YBX1: variants seen among roughly 807,000 people sequenced by gnomAD.
YBX1 encodes the protein Y-box binding protein 1, also known as Y-box-binding protein 1.
Under a neutral mutation model 41.4 loss-of-function variants are expected in YBX1, and 3 were observed. The ratio of observed to expected loss-of-function variants is 0.07; its 90% confidence interval spans 0.03 to 0.19. YBX1 has a LOEUF of 0.19. Ranked by LOEUF, YBX1 falls within the 10% of genes least tolerant of loss-of-function variation. The pLI is 1.00. For missense variants in YBX1, 274 were observed against 462.8 expected (o/e 0.59, Z 3.74); for synonymous variants, 133 against 165.8 (o/e 0.80, Z 1.52).
At chr1:42,689,646 TC>T (rs1022763268) in intron 2 of YBX1, among the ~76,000 whole-genome samples, 1 of 151,756 alleles carries the variant, frequency 6.6e-6, no homozygotes, top group African/African-American at 2.4e-5. Flanking sequence ...TGGAGTAGAG[TC>T]CGGGAGTTTG....
At chr1:42,697,635 A>G (rs1457852140) in intron 6 of YBX1, among the ~76,000 whole-genome samples, 1 of 152,208 alleles carries the variant, frequency 6.6e-6, no homozygotes, top group Non-Finnish European at 1.5e-5. Flanking sequence ...GGCATACATT[A>G]TCTTCCACTA....
At chr1:42,683,700 C>T (rs546199437) in intron 2 of YBX1, among the ~76,000 whole-genome samples, 4 of 152,330 alleles carry the variant, frequency 2.6e-5, no homozygotes, top group South Asian at 2.1e-4. Context: ...ACTTAAAAGG[C>T]TTCGTCACAG....
intron 2 of YBX1, among the ~76,000 whole-genome samples, chr1:42,685,848 C>A (rs779268636): frequency 6.6e-6 from 1 of 152,142 alleles, no homozygotes; most frequent in Non-Finnish European, 1.5e-5. Context: ...ATTGTTACAA[C>A]CTTGTTAGAA....
At chr1:42,697,876 G>A (rs982271413) in intron 6 of YBX1, among the ~76,000 whole-genome samples, 3 of 152,166 alleles carry the variant, frequency 2.0e-5, no homozygotes, top group Non-Finnish European at 4.4e-5. Context: ...AGTCCATGCC[G>A]TAGTATACTT....
At chr1:42,682,756 T>A in intron 1 of YBX1, 25 bp downstream of exon 1, 2 of 1,175,676 alleles carry the variant, frequency 1.7e-6, no homozygotes, top group Non-Finnish European at 2.1e-6. Flanking sequence ...GGGACGGGGG[T>A]GGGGCCCTCG....
Position 42,702,515 on chromosome 1 carries a change from A to C in YBX1, c.*566A>C, listed in dbSNP as rs1171095805. Reference sequence around the variant, plus strand: ...CTTTAAGTGGCATGCCTGTGGGCCCATACTAAAAATTAGAAAATACATACT... The same window carrying C: ...CTTTAAGTGGCATGCCTGTGGGCCCCTACTAAAAATTAGAAAATACATACT... On this transcript the variant is annotated 3_prime_UTR_variant, in exon 8 of 8. Transcript: ENST00000321358. Among the ~76,000 whole-genome samples the C allele has an allele frequency of 2.0e-5, 3 of 152,228 alleles. No homozygotes were observed. Among genetic ancestry groups the C allele is most frequent in the Admixed American group, 2.0e-4 (3 of 15,286 alleles).
chr1:42,695,635 A>G (rs1650441180), intron 3 of YBX1, among the ~76,000 whole-genome samples: 1 of 152,258 alleles, frequency 6.6e-6, no homozygotes, highest in South Asian at 2.1e-4. Flanking sequence ...TAACAATTCC[A>G]TGCAGTCAGA....
rs1432639805 is a variant in YBX1, at chr1:42,702,372, GT to G, written c.*427del. 6.6e-6 allele frequency: 1 copy of G among 152,566 alleles called. No homozygotes were observed. The highest frequency in any genetic ancestry group is 1.9e-4 in the East Asian group (1 of 5,192). 9.5% of individuals were successfully genotyped at this position (152,566 alleles called of 1,614,324 possible). ...AATTGTCTTTGTGTAAATTTGTCTA[GT>G]TTTGCTTTAGTTTGTAAGTATTTAG... On this transcript the variant is annotated 3_prime_UTR_variant, in exon 8 of 8. Coordinates refer to ENST00000321358, the MANE Select transcript of YBX1 (RefSeq NM_004559.5).
chr1:42,686,574 C>G (rs567229036), intron 2 of YBX1, among the ~76,000 whole-genome samples: 44 of 152,242 alleles, frequency 2.9e-4, no homozygotes, highest in Admixed American at 2.2e-3. Context: ...TAAACCAAGC[C>G]AGGGAAAGGT....
At chr1:42,697,551 G>GA (rs1650491332) in intron 6 of YBX1, among the ~76,000 whole-genome samples, 1 of 152,214 alleles carries the variant, frequency 6.6e-6, no homozygotes, top group South Asian at 2.1e-4. Context: ...TTGGTAGGGA[G>GA]AAAGGAAAGC....
intron 3 of YBX1, 35 bp downstream of exon 3, chr1:42,693,558 C>T (rs1275066434): frequency 6.2e-7 from 1 of 1,608,492 alleles, no homozygotes; most frequent in Non-Finnish European, 8.5e-7. Context: ...ACTTCTGATT[C>T]AAGGATTGTA....
In YBX1 at chr1:42,703,639, A is replaced by G. The variant is rs751988178; in HGVS notation, c.*1690A>G. ...AACTGTTACTTACAACTGCAGACGC[A>G]CACAGTCCCTGACTTAAACAGTGGT... On this transcript the variant is annotated 3_prime_UTR_variant, in exon 8 of 8. Coordinates refer to ENST00000321358, the MANE Select transcript of YBX1 (RefSeq NM_004559.5). Among the ~76,000 whole-genome samples the G allele has an allele frequency of 3.9e-4, 59 of 152,160 alleles. No individual in the cohort carries two copies. The highest frequency in any genetic ancestry group is 1.3e-3 in the African/African-American group (55 of 41,442).
chr1:42,689,902 A>C (rs1267598786), intron 2 of YBX1, among the ~76,000 whole-genome samples: 1 of 152,234 alleles, frequency 6.6e-6, no homozygotes, highest in South Asian at 2.1e-4. Flanking sequence ...GGCTAGTATT[A>C]GTGAATAGTA....
At chr1:42,693,324 A>G (rs1051917153) in intron 2 of YBX1, among the ~76,000 whole-genome samples, 166 bp from the exon 3 acceptor site, 5 of 151,864 alleles carry the variant, frequency 3.3e-5, no homozygotes, top group Admixed American at 1.3e-4. Context: ...ACTGTTTGCA[A>G]CTGCTGAAGT....
At position 42,696,386 on chromosome 1, in the gene YBX1, C is replaced by T. The variant is rs1484225503; in HGVS notation, c.354+98C>T. 1.0e-5 allele frequency: 13 copies of T among 1,257,862 alleles called. No individual in the cohort carries two copies. The highest frequency in any genetic ancestry group is 1.3e-5 in the Non-Finnish European group (12 of 891,384). The allele number at this position is 1,257,862 out of a possible 1,614,324, so 77.9% of individuals were successfully genotyped here. ...TGGCTCTAATGTGGATGGATGTGTT[C>T]AGGTGACCTCATGAACACAGGTGCA... On this transcript the variant is annotated intron_variant, in intron 4 of 7. Transcript: ENST00000321358. This position sits in a 1 kb window ranked among gnomAD's most constrained non-coding sequence, Gnocchi z 5.7.
intron 6 of YBX1, 112 bp from the exon 7 acceptor site, chr1:42,700,669 A>C (rs2148743088): frequency 1.4e-6 from 1 of 721,606 alleles, no homozygotes; most frequent in African/African-American, 2.0e-5. Context: ...AGACCACTTG[A>C]TACAGAATGG....
At position 42,692,100 on chromosome 1, in the gene YBX1, T is replaced by A. The variant is rs1476712951; in HGVS notation, c.231-1390T>A. 2.0e-5 allele frequency among the ~76,000 whole-genome samples: 3 copies of A among 152,336 alleles called. No individual in the cohort carries two copies. The South Asian group carries it at 6.2e-4, about 32-fold the overall frequency. On this transcript the variant is annotated intron_variant, in intron 2 of 7. Coordinates refer to ENST00000321358, the MANE Select transcript of YBX1 (RefSeq NM_004559.5). ...CTCTTGGCCTCCCAAAGTGCTGGGA[T>A]TGCAGGCGTGAGCCACTGCACCCGG...
intron 2 of YBX1, among the ~76,000 whole-genome samples, chr1:42,686,423 G>A (rs1650198846): frequency 6.6e-6 from 1 of 152,156 alleles, no homozygotes; most frequent in South Asian, 2.1e-4. Context: ...GGCTTTGGGG[G>A]CCTGTATTTC....
chr1:42,694,035 T>G (rs562948006), intron 3 of YBX1, among the ~76,000 whole-genome samples: 6 of 151,888 alleles, frequency 4.0e-5, no homozygotes, highest in South Asian at 2.1e-4. Flanking sequence ...TATTGGGTTT[T>G]TTTTTTTTTT....
Sources: gnomAD v4.1 joint callset for allele counts (sites outside exome capture counted in the v4.1 genomes callset) on GRCh38, gnomAD v4.1.1 for gene constraint, Gnocchi (gnomAD v3.1) non-coding constraint, MANE v1.5 for transcripts, NCBI Gene and HGNC (gene_info 2026-07-23, HGNC 2026-07-21) for gene names.